Variants in MAGI2 observed in about 807,000 individuals in gnomAD.
MAGI2 encodes membrane associated guanylate kinase, WW and PDZ domain containing 2.
MAGI2 carries 35 observed loss-of-function variants against 133.3 expected under a neutral mutation model. The ratio of observed to expected loss-of-function variants is 0.26; its 90% CI spans 0.20 to 0.35. The LOEUF is 0.35. MAGI2 is among the 10% of genes least tolerant of loss of function. MAGI2 has a pLI of 1.00. For missense variants in MAGI2, 1,636 were observed against 1,863.4 expected, an observed-to-expected ratio of 0.88 and a Z score of 2.25; for synonymous variants, 729 against 710.6, an observed-to-expected ratio of 1.03 and a Z score of -0.41.
chr7:79,381,888 A>G (rs1258887129), intron 1 of MAGI2, among the ~76,000 whole-genome samples: 6 of 151,910 alleles, frequency 3.9e-5, no homozygotes, highest in African/African-American at 1.4e-4. Flanking sequence ...AACAAAGCAC[A>G]TTTACAAATA....
At chr7:78,406,079 A>C (rs963721605) in intron 6 of MAGI2, among the ~76,000 whole-genome samples, 1 of 152,018 alleles carries the variant, frequency 6.6e-6, no homozygotes, top group Non-Finnish European at 1.5e-5. Context: ...TATATGTCTA[A>C]ATGACCTTTG....
chr7:79,276,022 C>T (rs1443408716), intron 1 of MAGI2, among the ~76,000 whole-genome samples: 1 of 152,124 alleles, frequency 6.6e-6, no homozygotes, highest in Non-Finnish European at 1.5e-5. Flanking sequence ...TGTTTTCATG[C>T]CTGCTAACAC....
At chr7:78,031,048 G>A (rs1809518838) in intron 21 of MAGI2, among the ~76,000 whole-genome samples, 1 of 152,178 alleles carries the variant, frequency 6.6e-6, no homozygotes, top group Admixed American at 6.5e-5. Flanking sequence ...TGGAACAAGC[G>A]ACTTATACAC....
chr7:78,894,176 C>T (rs540080962), intron 2 of MAGI2, among the ~76,000 whole-genome samples: 80 of 152,216 alleles, frequency 5.3e-4, no homozygotes, highest in Middle Eastern at 3.4e-3. Flanking sequence ...CCGAGGCAGG[C>T]GGATCACAAG....
chr7:78,323,712 A>C (rs1054453060), intron 9 of MAGI2, among the ~76,000 whole-genome samples: 1 of 152,194 alleles, frequency 6.6e-6, no homozygotes, highest in Admixed American at 6.5e-5. Context: ...ATCTTCTTGT[A>C]ATTCTAAAAT....
At chr7:78,407,532 G>A (rs1414022958) in intron 6 of MAGI2, among the ~76,000 whole-genome samples, 3 of 151,966 alleles carry the variant, frequency 2.0e-5, no homozygotes, top group Non-Finnish European at 2.9e-5. Context: ...GACTCAAAAA[G>A]GGAATGATGC....
chr7:78,182,921 G>A (rs1827321698), intron 13 of MAGI2, among the ~76,000 whole-genome samples: 1 of 152,018 alleles, frequency 6.6e-6, no homozygotes, highest in South Asian at 2.1e-4. Context: ...ATTATCATTG[G>A]CCATCTATAG....
intron 1 of MAGI2, among the ~76,000 whole-genome samples, chr7:79,393,291 G>C (rs1844801783): frequency 6.6e-6 from 1 of 152,046 alleles, no homozygotes; most frequent in Non-Finnish European, 1.5e-5. Flanking sequence ...AAGTAAAATG[G>C]TAATTACTAA....
chr7:78,144,927 T>G lies in MAGI2; in HGVS notation c.2846-9721A>C, dbSNP rs1298729670. Among the ~76,000 whole-genome samples, 4 of 152,230 alleles carry G rather than the reference T, an allele frequency of 2.6e-5. No homozygotes were observed. In the East Asian group the frequency reaches 5.8e-4, roughly 22 times the overall value. On this transcript the variant is annotated intron_variant, in intron 16 of 21. Coordinates refer to ENST00000354212, the MANE Select transcript of MAGI2 (RefSeq NM_012301.4). ...CTCTGGTGTGTGTTGTTCCCCTCCC[T>G]GTGTCCGTGTGTTCTCATTGTTCCA...
intron 2 of MAGI2, among the ~76,000 whole-genome samples, chr7:78,954,201 C>T (rs988770460): frequency 6.6e-6 from 1 of 152,006 alleles, no homozygotes; most frequent in East Asian, 1.9e-4. Context: ...CTGTAAGCCC[C>T]GGAGAGCACT....
Position 78,019,927 on chromosome 7 carries a change from C to T in MAGI2, c.3756G>A (p.Pro1252=), listed in dbSNP as rs1488039428. The change falls in exon 22 of 22, where the codon CCG becomes CCA. Residue 1252 remains proline, a synonymous_variant. Coordinates refer to ENST00000354212, the MANE Select transcript of MAGI2 (RefSeq NM_012301.4). ...SSPAAAAPGL[P]EVGVSLDDGL... ...CGTCGTCCAGGGAGACGCCTACTTC[C>T]GGCAGACCTGGGGCGGCGGCAGCGG... The T allele has an allele frequency of 6.2e-7, 1 of 1,609,962 alleles. No individual in the cohort carries two copies. Among genetic ancestry groups the T allele is most frequent in the Non-Finnish European group, 8.5e-7 (1 of 1,178,606 alleles).
intron 3 of MAGI2, among the ~76,000 whole-genome samples, chr7:78,607,001 T>C (rs1046346992): frequency 1.3e-5 from 2 of 152,212 alleles, no homozygotes; most frequent in African/African-American, 4.8e-5. Context: ...GGCAAGCCCC[T>C]GGATATTAAT....
At chr7:78,124,868 T>C (rs1584025363) in intron 20 of MAGI2, among the ~76,000 whole-genome samples, 1 of 151,758 alleles carries the variant, frequency 6.6e-6, no homozygotes, top group Admixed American at 6.6e-5. Context: ...TGTCTTTTTT[T>C]TTTTTTTTTC....
intron 5 of MAGI2, among the ~76,000 whole-genome samples, chr7:78,491,373 G>A (rs1793586425): frequency 6.6e-6 from 1 of 152,030 alleles, no homozygotes; most frequent in Non-Finnish European, 1.5e-5. Flanking sequence ...TGAGAACTGT[G>A]ACATAACGAC....
At chr7:79,257,980 C>G (rs1440859010) in intron 1 of MAGI2, among the ~76,000 whole-genome samples, 1 of 152,198 alleles carries the variant, frequency 6.6e-6, no homozygotes, top group Non-Finnish European at 1.5e-5. Flanking sequence ...GCTCCTTAAT[C>G]ATACATTTTG....
At chr7:79,355,257 G>C (rs1841945770) in intron 1 of MAGI2, among the ~76,000 whole-genome samples, 1 of 152,206 alleles carries the variant, frequency 6.6e-6, no homozygotes, top group South Asian at 2.1e-4. Flanking sequence ...CCCCTGGGGA[G>C]CAAGGCTATG....
At chr7:78,363,105 C>T (rs567421091) in intron 7 of MAGI2, among the ~76,000 whole-genome samples, 21 of 152,296 alleles carry the variant, frequency 1.4e-4, no homozygotes, top group Non-Finnish European at 2.6e-4. Flanking sequence ...TGAGATGATA[C>T]ATATTCTAGA....
chr7:79,279,534 T>C (rs1284527255), intron 1 of MAGI2, among the ~76,000 whole-genome samples: 3 of 152,170 alleles, frequency 2.0e-5, no homozygotes, highest in Non-Finnish European at 4.4e-5. Flanking sequence ...GGCTGGGTGG[T>C]GGCTCACGCC....
chr7:78,253,046 C>G (rs1261933548), intron 10 of MAGI2: 1 of 151,638 alleles, frequency 6.6e-6, no homozygotes, highest in Admixed American at 6.6e-5. Context: ...ATTCTTCTTA[C>G]AGCTGAGCAA....
Sources: gnomAD v4.1 joint callset for allele counts (sites outside exome capture counted in the v4.1 genomes callset) on GRCh38, gnomAD v4.1.1 for gene constraint, MANE v1.5 for transcripts, NCBI Gene and HGNC (gene_info 2026-07-23, HGNC 2026-07-21) for gene names.